The following AFAP1 variants were observed in gnomAD, a reference collection of about 807,000 sequenced individuals.
AFAP1 encodes actin filament associated protein 1.
Under a neutral mutation model 93.9 loss-of-function variants are expected in AFAP1, and 75 were observed. That is an observed-to-expected ratio of 0.80 (90% CI 0.66 to 0.97). AFAP1 has a LOEUF of 0.97. Among genes scored for constraint, AFAP1 ranks in the 50% least tolerant of loss-of-function variants. The probability of loss-of-function intolerance (pLI) is 0.00; values close to 1 mark genes in which losing one functional copy is unlikely to be tolerated. For synonymous variants in AFAP1, 517 were observed against 430.7 expected, an observed-to-expected ratio of 1.20 and a Z score of -2.48; for missense variants, 1,201 against 1,050.8, an observed-to-expected ratio of 1.14 and a Z score of -1.98.
At chr4:7,790,480 G>C (rs1469139905) in intron 11 of AFAP1, among the ~76,000 whole-genome samples, 1 of 152,086 alleles carries the variant, frequency 6.6e-6, no homozygotes, top group Non-Finnish European at 1.5e-5. Context: ...TTAATTCAGG[G>C]TTTCTCTTAA....
At chr4:7,791,199 T>C (rs1373915900) in intron 11 of AFAP1, among the ~76,000 whole-genome samples, 1 of 152,148 alleles carries the variant, frequency 6.6e-6, no homozygotes, top group African/African-American at 2.4e-5. Context: ...TCGTGTAATC[T>C]CAGCACTGGC....
intron 4 of AFAP1, among the ~76,000 whole-genome samples, chr4:7,850,634 C>T (rs935688865): frequency 5.9e-5 from 9 of 152,312 alleles, no homozygotes; most frequent in Admixed American, 5.9e-4. Flanking sequence ...AACAGCAGGC[C>T]CATCTCCGAG....
chr4:7,896,412 C>T (rs28661614), intron 1 of AFAP1, among the ~76,000 whole-genome samples: 2 of 152,034 alleles, frequency 1.3e-5, no homozygotes, highest in African/African-American at 4.8e-5. Context: ...TGATCACTCT[C>T]GACTTCCTTC....
At chr4:7,803,532 G>A (rs540643336) in intron 9 of AFAP1, among the ~76,000 whole-genome samples, 1 of 151,890 alleles carries the variant, frequency 6.6e-6, no homozygotes, top group Non-Finnish European at 1.5e-5. Flanking sequence ...AACCACAGGG[G>A]ACCCGGCCCC....
At chr4:7,902,315 A>G (rs553145528) in intron 1 of AFAP1, among the ~76,000 whole-genome samples, 1 of 152,200 alleles carries the variant, frequency 6.6e-6, no homozygotes, top group Non-Finnish European at 1.5e-5. Context: ...TTCTCCTGCC[A>G]TGCAAATTTA....
intron 10 of AFAP1, among the ~76,000 whole-genome samples, chr4:7,795,526 G>A (rs1010900418): frequency 3.0e-5 from 4 of 134,520 alleles, no homozygotes; most frequent in Non-Finnish European, 4.6e-5. Flanking sequence ...CCCGGATCAC[G>A]CCAGTCTCCT....
At chr4:7,872,244 A>T (rs1717119032) in intron 1 of AFAP1, 164 bp from the exon 2 acceptor site, 1 of 788,908 alleles carries the variant, frequency 1.3e-6, no homozygotes. Flanking sequence ...TAAAAGATTC[A>T]GGCGTCTTCT....
At chr4:7,872,161 C>A (rs1209883092) in intron 1 of AFAP1, 81 bp from the exon 2 acceptor site, 2 of 1,538,398 alleles carry the variant, frequency 1.3e-6, no homozygotes, top group East Asian at 2.3e-5. Context: ...TTACTCGAAG[C>A]ATTTCATGTT....
intron 7 of AFAP1, among the ~76,000 whole-genome samples, chr4:7,818,187 C>T (rs1720651930): frequency 6.6e-6 from 1 of 152,154 alleles, no homozygotes; most frequent in Non-Finnish European, 1.5e-5. Context: ...CCTCCCTGAG[C>T]CAGTGAAATC....
At chr4:7,932,797 A>G (rs114127471) in intron 1 of AFAP1, among the ~76,000 whole-genome samples, 3,752 of 152,070 alleles carry the variant, frequency 0.025, 143 homozygotes, top group African/African-American at 0.084. Context: ...CAAGGCCGGC[A>G]GATCATAAGG....
chr4:7,907,787 G>A (rs1257136881), intron 1 of AFAP1, among the ~76,000 whole-genome samples: 2 of 152,098 alleles, frequency 1.3e-5, no homozygotes, highest in South Asian at 2.1e-4. Context: ...GTTTAGATAA[G>A]GGATATTCAA....
chr4:7,836,399 TAAG>T (rs1360311746), intron 6 of AFAP1, among the ~76,000 whole-genome samples: 5 of 152,238 alleles, frequency 3.3e-5, no homozygotes, highest in African/African-American at 4.8e-5. Context: ...AGTGGCTGCC[TAAG>T]AAGAACAGGG....
At chr4:7,812,970 C>T (rs1181298678) in intron 8 of AFAP1, among the ~76,000 whole-genome samples, 1 of 152,130 alleles carries the variant, frequency 6.6e-6, no homozygotes, top group African/African-American at 2.4e-5. Flanking sequence ...CCTTCTCAGC[C>T]CACACTCCTC....
At chr4:7,892,723 G>A (rs1004934035) in intron 1 of AFAP1, among the ~76,000 whole-genome samples, 2 of 152,048 alleles carry the variant, frequency 1.3e-5, no homozygotes, top group South Asian at 2.1e-4. Context: ...CTTTCCCACC[G>A]AACAAACCAC....
intron 6 of AFAP1, among the ~76,000 whole-genome samples, chr4:7,821,481 CAT>C (rs1197841392): frequency 9.2e-5 from 14 of 152,184 alleles, no homozygotes; most frequent in East Asian, 1.9e-4. Flanking sequence ...GCAGTCACCA[CAT>C]GTTTCTCCAA....
chr4:7,778,366 C>T (rs1040018994), intron 14 of AFAP1: 6 of 285,878 alleles, frequency 2.1e-5, no homozygotes, highest in Admixed American at 5.0e-5. Flanking sequence ...ACGGGAGCCA[C>T]GTGTCTACGT....
At chr4:7,780,566 T>C (rs1401397154) in intron 13 of AFAP1, among the ~76,000 whole-genome samples, 2 of 152,178 alleles carry the variant, frequency 1.3e-5, no homozygotes, top group African/African-American at 4.8e-5. Context: ...TTGTCCCAGC[T>C]ACTTGGGAGG....
intron 3 of AFAP1, among the ~76,000 whole-genome samples, chr4:7,860,531 G>A (rs1456783763): frequency 1.3e-5 from 2 of 152,038 alleles, no homozygotes; most frequent in South Asian, 2.1e-4. Context: ...ATTTTCTCTC[G>A]TTCAGAAAAT....
chr4:7,823,097 C>T (rs540536628), intron 6 of AFAP1, among the ~76,000 whole-genome samples: 1 of 152,120 alleles, frequency 6.6e-6, no homozygotes, highest in South Asian at 2.1e-4. Flanking sequence ...TGCTCTGGCC[C>T]TTCTGTGTGG....
Sources: gnomAD v4.1 joint callset for allele counts (sites outside exome capture counted in the v4.1 genomes callset) on GRCh38, gnomAD v4.1.1 for gene constraint, MANE v1.5 for transcripts, NCBI Gene and HGNC (gene_info 2026-07-23, HGNC 2026-07-21) for gene names.